The following DPP10 variants were observed in gnomAD, a reference collection of about 807,000 sequenced individuals.
DPP10 encodes the protein dipeptidyl peptidase like 10.
A neutral mutation model predicts 120.9 loss-of-function variants in DPP10; 33 were observed. The ratio of observed to expected loss-of-function variants is 0.27; its 90% CI spans 0.21 to 0.37. The LOEUF is 0.37. DPP10 is among the 10% of genes least tolerant of loss of function. The probability of loss-of-function intolerance (pLI) is 1.00; values close to 1 mark genes in which losing one functional copy is unlikely to be tolerated. For missense variants in DPP10, 816 were observed against 942.8 expected (o/e 0.87, Z 1.76); for synonymous variants, 337 against 326.1 (o/e 1.03, Z -0.36).
chr2:115,167,260 G>GA (rs563385836), intron 1 of DPP10, among the ~76,000 whole-genome samples: 27,311 of 132,228 alleles, frequency 0.21, 3,606 homozygotes, highest in African/African-American at 0.39. Flanking sequence ...AGACAAAATA[G>GA]AAAAAAAAAA....
intron 3 of DPP10, among the ~76,000 whole-genome samples, chr2:115,379,391 T>C (rs1574627288): frequency 1.3e-5 from 2 of 152,340 alleles, no homozygotes; most frequent in Admixed American, 1.3e-4. Context: ...GTGGGATCGG[T>C]GGTGATATCC....
intron 7 of DPP10, among the ~76,000 whole-genome samples, chr2:115,714,098 C>G (rs2092413905): frequency 3.3e-5 from 5 of 152,138 alleles, no homozygotes. Flanking sequence ...GTTAAAGTAT[C>G]ACACAGAACC....
chr2:114,702,884 G>A (rs906014046), intron 1 of DPP10, among the ~76,000 whole-genome samples: 3 of 152,136 alleles, frequency 2.0e-5, no homozygotes, highest in Admixed American at 2.0e-4. Context: ...AAAGAAGATG[G>A]AGGCTCTTAT....
intron 3 of DPP10, among the ~76,000 whole-genome samples, chr2:115,382,373 C>T (rs1011372460): frequency 1.3e-4 from 20 of 152,190 alleles, no homozygotes; most frequent in Non-Finnish European, 2.2e-4. Context: ...ACTCCCTGAC[C>T]CCTTGCACTT....
At chr2:115,051,738 A>T (rs911319962) in intron 1 of DPP10, among the ~76,000 whole-genome samples, 1 of 152,158 alleles carries the variant, frequency 6.6e-6, no homozygotes, top group African/African-American at 2.4e-5. Flanking sequence ...AGGATGAATA[A>T]GCTCTAGAGA....
chr2:114,888,022 A>G (rs966368234), intron 1 of DPP10, among the ~76,000 whole-genome samples: 1 of 151,786 alleles, frequency 6.6e-6, no homozygotes, highest in Non-Finnish European at 1.5e-5. Flanking sequence ...GGGCGCCTGT[A>G]GTCCCAGCTA....
intron 5 of DPP10, among the ~76,000 whole-genome samples, chr2:115,642,132 A>G (rs190100992): frequency 2.3e-4 from 35 of 152,298 alleles, no homozygotes; most frequent in Admixed American, 3.3e-4. Flanking sequence ...TATGGTTTCT[A>G]TATTCAAAAT....
intron 1 of DPP10, among the ~76,000 whole-genome samples, chr2:115,095,390 T>G (rs1165528728): frequency 6.6e-6 from 1 of 151,620 alleles, no homozygotes; most frequent in Non-Finnish European, 1.5e-5. Context: ...TTGGGAGGAG[T>G]GTGAGGGTGA....
intron 4 of DPP10, among the ~76,000 whole-genome samples, chr2:115,508,424 A>G (rs1358073258): frequency 6.6e-6 from 1 of 152,204 alleles, no homozygotes; most frequent in Non-Finnish European, 1.5e-5. Context: ...ATTAAGGGAG[A>G]TATGCACTAA....
intron 19 of DPP10, among the ~76,000 whole-genome samples, chr2:115,804,195 T>G (rs1037674930): frequency 6.6e-6 from 1 of 152,246 alleles, no homozygotes; most frequent in African/African-American, 2.4e-5. Context: ...CTTCTATCGC[T>G]GATACCCTTT....
chr2:115,253,836 G>A (rs539861249), intron 1 of DPP10, among the ~76,000 whole-genome samples: 25 of 152,280 alleles, frequency 1.6e-4, no homozygotes, highest in Non-Finnish European at 3.5e-4. Flanking sequence ...GGTCTCTAGG[G>A]CAGTGTCCTC....
chr2:115,125,286 A>G (rs2050016970), intron 1 of DPP10, among the ~76,000 whole-genome samples: 1 of 152,226 alleles, frequency 6.6e-6, no homozygotes, highest in African/African-American at 2.4e-5. Flanking sequence ...AGTATAAAAT[A>G]TAACATGATG....
chr2:115,688,162 A>C (rs2091110977), intron 5 of DPP10, among the ~76,000 whole-genome samples: 2 of 152,178 alleles, frequency 1.3e-5, no homozygotes, highest in South Asian at 4.1e-4. Context: ...CACAAAGTAA[A>C]TGTCAAAGTA....
chr2:114,970,536 TCTC>T (rs1250514333), intron 1 of DPP10, among the ~76,000 whole-genome samples: 2 of 140,738 alleles, frequency 1.4e-5, no homozygotes, highest in African/African-American at 5.1e-5. Flanking sequence ...TAGTGGCTAA[TCTC>T]CTAATAATTA....
At position 114,614,636 on chromosome 2, in the gene DPP10, T is replaced by C. The variant is rs148783286; in HGVS notation, c.60+171798T>C. On this transcript the variant is annotated intron_variant, in intron 1 of 25. Coordinates refer to ENST00000410059, the MANE Select transcript of DPP10 (RefSeq NM_020868.6). ...TAATTAGTGTGGTTAAAGTGGCTTT[T>C]TAAGTCAGATTTTATTATATCAGTT... Among the ~76,000 whole-genome samples the C allele has an allele frequency of 2.3e-3, 347 of 152,326 alleles. 4 individuals carry two copies. In the East Asian group the frequency reaches 0.041, roughly 18 times the overall value.
At chr2:115,072,178 T>A (rs1218483070) in intron 1 of DPP10, among the ~76,000 whole-genome samples, 1 of 152,066 alleles carries the variant, frequency 6.6e-6, no homozygotes, top group Non-Finnish European at 1.5e-5. Flanking sequence ...CTGTTTTTTT[T>A]AAAAAGCACA....
chr2:114,524,605 G>T (rs1451312089), intron 1 of DPP10, among the ~76,000 whole-genome samples: 1 of 152,228 alleles, frequency 6.6e-6, no homozygotes, highest in African/African-American at 2.4e-5. Flanking sequence ...GGAAGGCATA[G>T]CCGTAGCTCT....
At chr2:114,612,781 A>ATC (rs1482885837) in intron 1 of DPP10, among the ~76,000 whole-genome samples, 3 of 152,160 alleles carry the variant, frequency 2.0e-5, no homozygotes, top group Admixed American at 2.0e-4. Flanking sequence ...TCCAAGATGT[A>ATC]TGTTCTTTAT....
chr2:115,439,608 A>T (rs1379620375), intron 3 of DPP10, among the ~76,000 whole-genome samples: 1 of 152,224 alleles, frequency 6.6e-6, no homozygotes, highest in African/African-American at 2.4e-5. Flanking sequence ...TTCTACGAGA[A>T]GATGGATAGT....
Sources: allele counts gnomAD v4.1 joint callset (sites outside exome capture counted in the v4.1 genomes callset), GRCh38; gene constraint gnomAD v4.1.1; transcripts MANE v1.5; gene names NCBI Gene and HGNC (gene_info 2026-07-23, HGNC 2026-07-21).